The following RACGAP1 variants were observed in gnomAD, a reference collection of about 807,000 sequenced individuals.
RACGAP1 encodes the protein rac GTPase-activating protein 1.
RACGAP1 carries 30 observed loss-of-function variants against 78.1 expected under a neutral mutation model. The observed-to-expected ratio is 0.38, with a 90% CI of 0.29 to 0.52. The LOEUF is 0.52. Ranked by LOEUF, RACGAP1 falls within the 20% of genes least tolerant of loss-of-function variation. RACGAP1 has a pLI of 0.82. For synonymous variants in RACGAP1, 231 were observed against 264.8 expected (o/e 0.87, Z 1.24); for missense variants, 587 against 777.1 (o/e 0.76, Z 2.91).
At chr12:50,032,727 A>T (rs1950346696) in intron 1 of RACGAP1, among the ~76,000 whole-genome samples, 1 of 152,178 alleles carries the variant, frequency 6.6e-6, no homozygotes, top group Non-Finnish European at 1.5e-5. Flanking sequence ...CCGCTCTGCC[A>T]CCTAGGAGAG....
upstream of RACGAP1, among the ~76,000 whole-genome samples, chr12:50,028,778 A>T (rs1330800353): frequency 6.6e-6 from 1 of 151,566 alleles, no homozygotes; most frequent in Admixed American, 6.6e-5. Flanking sequence ...TCTCAAAAAA[A>T]TAAAAATAAA....
intron 15 of RACGAP1, among the ~76,000 whole-genome samples, chr12:49,991,479 A>ATATATATATATTT (rs1555169074): frequency 8.3e-5 from 2 of 24,090 alleles, no homozygotes; most frequent in Non-Finnish European, 1.7e-4. Flanking sequence ...ATATATATAT[A>ATATATATATATTT]TTTTTTTTTT....
intron 15 of RACGAP1, 76 bp downstream of exon 15, chr12:49,991,922 C>A (rs7308592): frequency 1.3e-6 from 2 of 1,569,338 alleles, no homozygotes; most frequent in African/African-American, 2.8e-5. Flanking sequence ...ACAGCTCTAG[C>A]AAAGGCAGGA....
intron 2 of RACGAP1, among the ~76,000 whole-genome samples, chr12:50,015,781 G>A (rs1949633087): frequency 6.6e-6 from 1 of 150,992 alleles, no homozygotes; most frequent in Non-Finnish European, 1.5e-5. Context: ...CAGCCTGGGT[G>A]ACAGTGCAAG....
chr12:50,012,289 G>A (rs945437282), intron 2 of RACGAP1, among the ~76,000 whole-genome samples: 1 of 152,108 alleles, frequency 6.6e-6, no homozygotes, highest in Non-Finnish European at 1.5e-5. Context: ...TGCCAGGCGC[G>A]GTGGCTCACG....
At chr12:50,001,331 A>G in intron 6 of RACGAP1, 79 bp from the exon 7 acceptor site, 1 of 1,151,252 alleles carries the variant, frequency 8.7e-7, no homozygotes, top group African/African-American at 1.5e-5. Context: ...CCATCAAACA[A>G]CTTGGATACA....
chr12:50,025,829 CAGA>C (rs1452058342), upstream of RACGAP1, among the ~76,000 whole-genome samples: 1 of 152,144 alleles, frequency 6.6e-6, no homozygotes, highest in Non-Finnish European at 1.5e-5. Context: ...ACAGTAGAAT[CAGA>C]AGAATACCAG....
chr12:50,019,897 A>G (rs532312590), intron 1 of RACGAP1: 1 of 152,214 alleles, frequency 6.6e-6, no homozygotes, highest in South Asian at 2.1e-4. Context: ...CTCACTACCA[A>G]AATATAAGGT....
intron 1 of RACGAP1, among the ~76,000 whole-genome samples, chr12:50,022,721 T>C (rs906563538): frequency 1.3e-5 from 2 of 152,254 alleles, no homozygotes; most frequent in African/African-American, 4.8e-5. Context: ...AATCATACAT[T>C]ACATATAATT....
At chr12:50,024,603 A>C (rs1375566718) in intron 1 of RACGAP1, among the ~76,000 whole-genome samples, 1 of 152,150 alleles carries the variant, frequency 6.6e-6, no homozygotes, top group Non-Finnish European at 1.5e-5. Context: ...AGACCTCACC[A>C]CGACGCGATA....
chr12:49,997,096 G>C lies in RACGAP1; in HGVS notation c.988C>G (p.Arg330Gly), dbSNP rs765257119. ...RVVSHPECRDRCPLPCIPTLI... is the reference protein window; with the variant it reads ...RVVSHPECRDGCPLPCIPTLI... Reference sequence around the variant, plus strand: ...GTAGGAATGCAGGGAAGGGGACAGCGGTCCCGACATTCTGGATGAGAGACC... The same window carrying C: ...GTAGGAATGCAGGGAAGGGGACAGCCGTCCCGACATTCTGGATGAGAGACC... Residue 330 changes from arginine to glycine, a missense_variant, in exon 10 of 17, where the codon CGC becomes GGC. Transcript: ENST00000312377. 3.7e-6 allele frequency: 6 copies of C among 1,607,306 alleles called. No individual in the cohort carries two copies. Among genetic ancestry groups the C allele is most frequent in the Non-Finnish European group, 5.1e-6 (6 of 1,174,848 alleles).
rs1337219226 is a variant in RACGAP1, at chr12:49,997,112, A to G, written c.972T>C (p.His324=). The change falls in exon 10 of 17, where the codon CAT becomes CAC. Residue 324 remains histidine, a synonymous_variant. Transcript: ENST00000312377. ...LKCRDCRVVS[H]PECRDRCPLP... The stretch of plus-strand genomic sequence containing the variant: ...GGGGACAGCGGTCCCGACATTCTGG[A>G]TGAGAGACCACACGACAGTCTCGAC... 6.2e-7 allele frequency: 1 copy of G among 1,610,350 alleles called. No individual in the cohort carries two copies. Among genetic ancestry groups the G allele is most frequent in the Non-Finnish European group, 8.5e-7 (1 of 1,177,114 alleles).
intron 1 of RACGAP1, among the ~76,000 whole-genome samples, chr12:50,024,034 C>G (rs1036208138): frequency 6.6e-6 from 1 of 151,458 alleles, no homozygotes; most frequent in Non-Finnish European, 1.5e-5. Flanking sequence ...GGTGACGGGC[C>G]CCTATAGTCC....
intron 2 of RACGAP1, among the ~76,000 whole-genome samples, chr12:50,013,582 C>T (rs192599352): frequency 3.3e-5 from 5 of 152,318 alleles, no homozygotes; most frequent in Admixed American, 3.3e-4. Flanking sequence ...AGTGTACCAG[C>T]ATCCACCTCT....
intron 9 of RACGAP1, among the ~76,000 whole-genome samples, chr12:49,998,438 G>A (rs1174234916): frequency 6.6e-6 from 1 of 151,912 alleles, no homozygotes; most frequent in East Asian, 1.9e-4. Flanking sequence ...ACCTGGATGT[G>A]AAATCTGTCA....
intron 1 of RACGAP1, among the ~76,000 whole-genome samples, chr12:50,017,277 T>C (rs1006156094): frequency 1.1e-4 from 17 of 152,240 alleles, no homozygotes; most frequent in African/African-American, 4.1e-4. Flanking sequence ...ACAAGAATTA[T>C]TTCTGTAATA....
rs1001612448 is a variant in RACGAP1 at position 50,019,341 on chromosome 12, T to C, written c.-4-2622A>G. Among the ~76,000 whole-genome samples the C allele has an allele frequency of 1.4e-4, 21 of 152,070 alleles. 1 individual carries two copies. Among genetic ancestry groups the C allele is most frequent in the African/African-American group, 4.8e-4 (20 of 41,392 alleles). On this transcript the variant is annotated intron_variant, in intron 1 of 16. Transcript: ENST00000312377. Reference sequence around the variant, plus strand: ...TCTGCCCTGTGTCCCAGCTAGAATATAAATTTGAGGGGAGAAACCTTACAT... The same window carrying C: ...TCTGCCCTGTGTCCCAGCTAGAATACAAATTTGAGGGGAGAAACCTTACAT...
At chr12:50,004,890 T>C (rs1364659762) in intron 4 of RACGAP1, among the ~76,000 whole-genome samples, 2 of 152,216 alleles carry the variant, frequency 1.3e-5, no homozygotes, top group Non-Finnish European at 2.9e-5. Context: ...ACAGAGGCCT[T>C]TCTAAACCAG....
In RACGAP1 at chr12:50,001,210, C is replaced by T. The variant is rs770921468; in HGVS notation, c.592G>A (p.Val198Ile). The T allele has an allele frequency of 2.5e-6, 4 of 1,612,068 alleles. No individual in the cohort carries two copies. The South Asian group carries it at 3.3e-5, about 13-fold the overall frequency. ...GAGCCAATGGAACGAGTTTTCTTTA[C>T]AGGTCCAGGGGGACCATCAACAAAC... ...RQFVDGPPGPVKKTRSIGSAV... is the reference protein window; with the variant it reads ...RQFVDGPPGPIKKTRSIGSAV... Residue 198 changes from valine (V) to isoleucine (I), a missense_variant, in exon 7 of 17, where the codon GTA becomes ATA. Val to Ile is a conservative substitution (Grantham distance 29). Transcript: ENST00000312377.
Sources: allele counts gnomAD v4.1 joint callset (sites outside exome capture counted in the v4.1 genomes callset), GRCh38; gene constraint gnomAD v4.1.1; transcripts MANE v1.5; gene names NCBI Gene and HGNC (gene_info 2026-07-23, HGNC 2026-07-21).